The following AMER3 variants were observed in gnomAD, a reference collection of about 807,000 sequenced individuals.
The protein encoded by AMER3 is family with sequence similarity 123C.
For missense variants in AMER3, 1,201 were observed against 1,139.4 expected, an observed-to-expected ratio of 1.05 and a Z score of -0.78; for synonymous variants, 541 against 485.5, an observed-to-expected ratio of 1.11 and a Z score of -1.50.
Position 130,764,128 on chromosome 2 carries a change from A to T in AMER3, c.2056A>T (p.Ser686Cys). 1 of 1,611,964 alleles carries T rather than the reference A, an allele frequency of 6.2e-7. No individual in the cohort carries two copies. The highest frequency in any genetic ancestry group is 8.5e-7 in the Non-Finnish European group (1 of 1,179,412). The change falls in exon 2 of 2, where the codon AGC becomes TGC. Residue 686 changes from serine to cysteine, a missense_variant. Coordinates refer to ENST00000321420, the MANE Select transcript of AMER3 (RefSeq NM_152698.3). ...CVARVAALKI[S>C]SNEQPPAAWP... is the part of the protein sequence containing the mutation. ...GGCCCGTGTGGCAGCCCTGAAGATC[A>T]GCTCAAACGAACAGCCCCCGGCCGC...
Position 130,763,656 on chromosome 2 carries a change from A to C in AMER3, c.1584A>C (p.Ala528=). Residue 528 remains alanine, a synonymous_variant, in exon 2 of 2, where the codon GCA becomes GCC. Transcript: ENST00000321420. The stretch of plus-strand genomic sequence containing the variant: ...CCCCACCCACCCCTGGGCAGCCTGC[A>C]GCTCCACCTGGTTCCCAGGGAGCCC... ...PRAPPTPGQP[A]APPGSQGAPR... 6.6e-7 allele frequency: 1 copy of C among 1,521,322 alleles called. No homozygotes were observed. Among genetic ancestry groups the C allele is most frequent in the Admixed American group, 2.1e-5 (1 of 47,098 alleles). 94.2% of individuals were successfully genotyped at this position (1,521,322 alleles called of 1,614,324 possible). A position where few individuals can be genotyped will look rare whatever the true frequency, so the allele number is the denominator to read the frequency against.
intron 1 of AMER3, among the ~76,000 whole-genome samples, chr2:130,757,991 G>A (rs767658849): frequency 1.3e-4 from 20 of 152,078 alleles, no homozygotes; most frequent in Non-Finnish European, 1.9e-4. Flanking sequence ...AAAATTAGCC[G>A]GGCATGGTGG....
intron 1 of AMER3, among the ~76,000 whole-genome samples, chr2:130,757,811 G>T (rs1307847063): frequency 6.6e-6 from 1 of 152,156 alleles, no homozygotes; most frequent in Non-Finnish European, 1.5e-5. Context: ...CTCAGCCCAG[G>T]GTCCTGGTGT....
rs759678765 is a variant in AMER3 at position 130,764,433 on chromosome 2, C to A, written c.2361C>A (p.His787Gln). Residue 787 changes from histidine (H) to glutamine (Q), a missense_variant, in exon 2 of 2, where the codon CAC becomes CAA. Physicochemically the swap from His to Gln is conservative, Grantham distance 24. Coordinates refer to ENST00000321420, the MANE Select transcript of AMER3 (RefSeq NM_152698.3). ...CAGAGGCTGTGGAGCAGGTGGCACA[C>A]GGCAGCCAGCTGGACTCTGAGCCCC... ...LSTEAVEQVA[H>Q]GSQLDSEPRS... 6.2e-7 allele frequency: 1 copy of A among 1,607,184 alleles called. No homozygotes were observed. The highest frequency in any genetic ancestry group is 1.7e-5 in the Admixed American group (1 of 59,060).
At chr2:130,757,459 G>A (rs1678646834) in intron 1 of AMER3, among the ~76,000 whole-genome samples, 1 of 152,162 alleles carries the variant, frequency 6.6e-6, no homozygotes, top group Non-Finnish European at 1.5e-5. Flanking sequence ...CTGGAAGGTT[G>A]GCTCCCTGTG....
rs926613766 is a variant in AMER3 at position 130,766,080 on chromosome 2, T to C, written c.*1422T>C. 4.8e-5 allele frequency: 8 copies of C among 166,754 alleles called. No individual in the cohort carries two copies. Among genetic ancestry groups the C allele is most frequent in the Non-Finnish European group, 7.4e-5 (5 of 68,024 alleles). 10.3% of individuals were successfully genotyped at this position (166,754 alleles called of 1,614,324 possible). On this transcript the variant is annotated 3_prime_UTR_variant, in exon 2 of 2. Transcript: ENST00000321420. Reference sequence around the variant, plus strand: ...CTAACATGATGCAACTATCCCGGGATTGTGATTTTTAAGACTTTAGATGTT... The same window carrying C: ...CTAACATGATGCAACTATCCCGGGACTGTGATTTTTAAGACTTTAGATGTT...
intron 1 of AMER3, among the ~76,000 whole-genome samples, chr2:130,756,672 G>A (rs1480781350): frequency 2.0e-5 from 3 of 152,160 alleles, no homozygotes; most frequent in African/African-American, 4.8e-5. Flanking sequence ...CCCTGGGCAG[G>A]CCAGGACCGC....
chr2:130,758,607 C>T (rs976970023), intron 1 of AMER3, among the ~76,000 whole-genome samples: 1 of 152,208 alleles, frequency 6.6e-6, no homozygotes, highest in African/African-American at 2.4e-5. Context: ...AATAGCTCAC[C>T]GCCTACTATA....
chr2:130,759,599 T>G (rs1453217934), intron 1 of AMER3, among the ~76,000 whole-genome samples: 1 of 152,250 alleles, frequency 6.6e-6, no homozygotes, highest in Non-Finnish European at 1.5e-5. Context: ...ATAATTTTTC[T>G]AAATCTGTGT....
Position 130,764,347 on chromosome 2 carries a change from C to G in AMER3, c.2275C>G (p.Pro759Ala). The change falls in exon 2 of 2, where the codon CCC becomes GCC. Residue 759 changes from proline (P) to alanine (A), a missense_variant. Pro to Ala is a conservative substitution (Grantham distance 27). Transcript: ENST00000321420. The stretch of plus-strand genomic sequence containing the variant: ...GGACCTGAGCTGGCTCAGGGTGGAG[C>G]CCACCGGGCTAGGTGTCCAGGCCTG... ...VQDLSWLRVEPTGLGVQAWAS... is the reference protein window; with the variant it reads ...VQDLSWLRVEATGLGVQAWAS... The G allele has an allele frequency of 1.2e-6, 2 of 1,610,262 alleles. No homozygotes were observed. Among genetic ancestry groups the G allele is most frequent in the East Asian group, 2.2e-5 (1 of 44,756 alleles).
At position 130,764,472 on chromosome 2, in the gene AMER3, T is replaced by A; in HGVS notation, c.2400T>A (p.Ala800=). ...ACTCTGAGCCCCGCTCAGCCCCTGC[T>A]GCCCGGTGGAGTTCCCAGGGCCACC... The part of the protein sequence containing the change: ...QLDSEPRSAP[A]ARWSSQGHHP... The change falls in exon 2 of 2, where the codon GCT becomes GCA. Residue 800 remains alanine (A), a synonymous_variant. Coordinates refer to ENST00000321420, the MANE Select transcript of AMER3 (RefSeq NM_152698.3). 1 of 1,599,054 alleles carries A rather than the reference T, an allele frequency of 6.3e-7. No homozygotes were observed. The highest frequency in any genetic ancestry group is 8.5e-7 in the Non-Finnish European group (1 of 1,173,502).
chr2:130,762,743 C>T lies in AMER3; in HGVS notation c.671C>T (p.Ala224Val), dbSNP rs755130282. 2 of 1,611,744 alleles carry T rather than the reference C, an allele frequency of 1.2e-6. No individual in the cohort carries two copies. Among genetic ancestry groups the T allele is most frequent in the Non-Finnish European group, 1.7e-6 (2 of 1,179,054 alleles). The stretch of plus-strand genomic sequence containing the variant: ...GACCTGTTGGACAGCGAGCTCCTGG[C>T]CGATGCATCCTTTGGTCTCTGCAGG... ...CQDLLDSELL[A>V]DASFGLCRAL... Residue 224 changes from alanine to valine, a missense_variant, in exon 2 of 2, where the codon GCC (alanine) becomes GTC (valine). Transcript: ENST00000321420.
Position 130,767,224 on chromosome 2 carries a change from T to C in AMER3, c.*2566T>C, listed in dbSNP as rs1428864188. On this transcript the variant is annotated 3_prime_UTR_variant, in exon 2 of 2. Transcript: ENST00000321420. Reference sequence around the variant, plus strand: ...TGCAGGGACAGATGGGCCATCCACATTCTCCAAGATTAGCTTCTACCTCAA... The same window carrying C: ...TGCAGGGACAGATGGGCCATCCACACTCTCCAAGATTAGCTTCTACCTCAA... 1 of 167,122 alleles carries C rather than the reference T, an allele frequency of 6.0e-6. No homozygotes were observed. The highest frequency in any genetic ancestry group is 1.5e-5 in the Non-Finnish European group (1 of 68,206). 10.4% of individuals were successfully genotyped at this position (167,122 alleles called of 1,614,324 possible).
At position 130,762,650 on chromosome 2, in the gene AMER3, C is replaced by T; in HGVS notation, c.578C>T (p.Pro193Leu). Residue 193 changes from proline (P) to leucine (L), a missense_variant, in exon 2 of 2, where the codon CCT becomes CTT. Pro to Leu is a moderately conservative substitution (Grantham distance 98). Transcript: ENST00000321420. ...SLPSPGDPSDPGGRRSKAFLP... is the reference protein window; with the variant it reads ...SLPSPGDPSDLGGRRSKAFLP... ...CCCTCCCCAGGGGACCCGTCAGACC[C>T]TGGGGGGCGGCGAAGCAAAGCCTTC... 6.2e-7 allele frequency: 1 copy of T among 1,611,676 alleles called. No homozygotes were observed. The highest frequency in any genetic ancestry group is 1.3e-5 in the African/African-American group (1 of 75,066).
At position 130,762,680 on chromosome 2, in the gene AMER3, C is replaced by T. The variant is rs1170485771; in HGVS notation, c.608C>T (p.Pro203Leu). Residue 203 changes from proline to leucine, a missense_variant, in exon 2 of 2, where the codon CCC becomes CTC. Pro to Leu is a moderately conservative substitution (Grantham distance 98). Transcript: ENST00000321420. Reference sequence around the variant, plus strand: ...GGGCGGCGAAGCAAAGCCTTCCTCCCCCCGGGTGAGGGGCCGGGGCTGGAC... The same window carrying T: ...GGGCGGCGAAGCAAAGCCTTCCTCCTCCCGGGTGAGGGGCCGGGGCTGGAC... ...PGGRRSKAFLPPGEGPGLDGL... is the reference protein window; with the variant it reads ...PGGRRSKAFLLPGEGPGLDGL... 6.2e-7 allele frequency: 1 copy of T among 1,611,286 alleles called. No homozygotes were observed. The highest frequency in any genetic ancestry group is 1.7e-5 in the Admixed American group (1 of 60,004).
In AMER3 at chr2:130,764,326, C is replaced by A. The variant is rs1678917815; in HGVS notation, c.2254C>A (p.Leu752Met). 1 of 1,608,632 alleles carries A rather than the reference C, an allele frequency of 6.2e-7. No homozygotes were observed. Among genetic ancestry groups the A allele is most frequent in the Non-Finnish European group, 8.5e-7 (1 of 1,176,480 alleles). Reference sequence around the variant, plus strand: ...GAGGTGTCGAGATCGTGTCCAGGACCTGAGCTGGCTCAGGGTGGAGCCCAC... The same window carrying A: ...GAGGTGTCGAGATCGTGTCCAGGACATGAGCTGGCTCAGGGTGGAGCCCAC... ...DQRCRDRVQD[L>M]SWLRVEPTGL... Residue 752 changes from leucine to methionine, a missense_variant, in exon 2 of 2, where the codon CTG becomes ATG. Transcript: ENST00000321420.
chr2:130,761,144 T>C (rs1678766464), intron 1 of AMER3, among the ~76,000 whole-genome samples: 1 of 152,238 alleles, frequency 6.6e-6, no homozygotes, highest in African/African-American at 2.4e-5. Context: ...TTAAAGTCCC[T>C]GCTCCTACCC....
In AMER3 at chr2:130,768,033, G is replaced by C. The variant is rs1178949587; in HGVS notation, c.*3375G>C. 1.2e-5 allele frequency: 2 copies of C among 167,118 alleles called. No homozygotes were observed. The highest frequency in any genetic ancestry group is 1.9e-4 in the East Asian group (1 of 5,200). 10.4% of individuals were successfully genotyped at this position (167,118 alleles called of 1,614,324 possible). A position where few individuals can be genotyped will look rare whatever the true frequency, so the allele number is the denominator to read the frequency against. On this transcript the variant is annotated 3_prime_UTR_variant, in exon 2 of 2. Coordinates refer to ENST00000321420, the MANE Select transcript of AMER3 (RefSeq NM_152698.3). The stretch of plus-strand genomic sequence containing the variant: ...GCCCTCCAGCAGGCTGAGCACCCAG[G>C]GGGAGGCTGCCCTGACTCAACCCCA...
chr2:130,763,258 G>C lies in AMER3; in HGVS notation c.1186G>C (p.Glu396Gln). Residue 396 changes from glutamate (E) to glutamine (Q), a missense_variant, in exon 2 of 2, where the codon GAG becomes CAG. Transcript: ENST00000321420. ...GYYDSFSPGLEEDKKEAESPG... is the reference protein window; with the variant it reads ...GYYDSFSPGLQEDKKEAESPG... ...CTATGATTCCTTCTCGCCAGGACTT[G>C]AGGAGGACAAGAAGGAAGCTGAGAG... 1.2e-6 allele frequency: 2 copies of C among 1,613,850 alleles called. No homozygotes were observed. The highest frequency in any genetic ancestry group is 1.7e-6 in the Non-Finnish European group (2 of 1,180,020).
Sources: gnomAD v4.1 joint callset for allele counts (sites outside exome capture counted in the v4.1 genomes callset) on GRCh38, gnomAD v4.1.1 for gene constraint, MANE v1.5 for transcripts, NCBI Gene and HGNC (gene_info 2026-07-23, HGNC 2026-07-21) for gene names.